Variants in INSL6 observed in about 807,000 individuals in gnomAD.
INSL6 encodes the protein insulin-like peptide INSL6.
A neutral mutation model predicts 9.4 loss-of-function variants in INSL6; 16 were observed. That is an observed-to-expected ratio of 1.70 (90% CI 1.15 to 2.59). The LOEUF (loss-of-function observed/expected upper bound fraction) is 2.59, where lower values mean the gene tolerates loss of function less well. INSL6 is among the 30% of genes most tolerant of loss of function. The probability of loss-of-function intolerance (pLI) is 0.00; values close to 1 mark genes in which losing one functional copy is unlikely to be tolerated. For synonymous variants in INSL6, 154 were observed against 96.9 expected, an observed-to-expected ratio of 1.59 and a Z score of -3.46; for missense variants, 391 against 257.3, an observed-to-expected ratio of 1.52 and a Z score of -3.56.
At chr9:5,112,551 C>G in the INSL6 span, 1 of 609,548 alleles carries the variant, frequency 1.6e-6, no homozygotes, top group Non-Finnish European at 2.9e-6. Flanking sequence ...AGCAGGTGGC[C>G]AATAACGCCA....
At chr9:5,105,370 C>T in the INSL6 span, among the ~76,000 whole-genome samples, 1 of 152,082 alleles carries the variant, frequency 6.6e-6, no homozygotes, top group African/African-American at 2.4e-5. Flanking sequence ...GACCTCTGGA[C>T]CTCTTCAAGG....
chr9:5,177,870 T>C (rs1007009028), intron 1 of INSL6, among the ~76,000 whole-genome samples: 3 of 152,060 alleles, frequency 2.0e-5, no homozygotes, highest in African/African-American at 7.2e-5. Flanking sequence ...GACTGCTTCT[T>C]TCTTTTTCTT....
chr9:5,170,367 CTT>C (rs1825152495), intron 1 of INSL6, among the ~76,000 whole-genome samples: 2 of 152,104 alleles, frequency 1.3e-5, no homozygotes, highest in Non-Finnish European at 2.9e-5. Flanking sequence ...TAACAGGAAA[CTT>C]TATAGCGCTA....
chr9:5,162,232 T>C (rs188170655), downstream of INSL6, among the ~76,000 whole-genome samples: 7 of 152,314 alleles, frequency 4.6e-5, no homozygotes, highest in Non-Finnish European at 1.0e-4. Context: ...AGATTTTTTT[T>C]TTCAATTTGG....
chr9:5,074,540 C>G, the INSL6 span, among the ~76,000 whole-genome samples: 3 of 152,170 alleles, frequency 2.0e-5, no homozygotes, highest in Admixed American at 1.3e-4. Flanking sequence ...GTGTCCCAAA[C>G]AGAGAGAATA....
intron 3 of INSL6, among the ~76,000 whole-genome samples, chr9:5,128,807 G>A (rs1217229939): frequency 6.6e-6 from 1 of 151,844 alleles, no homozygotes; most frequent in East Asian, 1.9e-4. Flanking sequence ...AGTTGGTTCT[G>A]TACAAGAAAC....
the INSL6 span, chr9:5,082,007 G>T: frequency 1.5e-6 from 1 of 682,214 alleles, no homozygotes; most frequent in Non-Finnish European, 2.4e-6. Flanking sequence ...GAGAAATGCT[G>T]TGTTAAATAA....
rs149054225 is a variant in INSL6 at position 5,180,887 on chromosome 9, T to G, written c.289+4427A>C. Among the ~76,000 whole-genome samples, 979 of 152,308 alleles carry G rather than the reference T, an allele frequency of 6.4e-3. 7 individuals are homozygous for G. Among genetic ancestry groups the G allele is most frequent in the African/African-American group, 0.022 (907 of 41,566 alleles). On this transcript the variant is annotated intron_variant, in intron 1 of 1. Coordinates refer to ENST00000381641, the MANE Select transcript of INSL6 (RefSeq NM_007179.3). ...GACCCTTATTAGTAGTTCTGCTCTT[T>G]GCACTTTGAAGCATGTGATCTACTC...
the INSL6 span, chr9:5,084,894 A>G: frequency 4.5e-6 from 2 of 440,288 alleles, no homozygotes; most frequent in Non-Finnish European, 8.7e-6. Flanking sequence ...GATATCTTTT[A>G]AAATGATTTT....
At chr9:5,155,273 A>C (rs1271629772) in intron 2 of INSL6, among the ~76,000 whole-genome samples, 2 of 147,980 alleles carry the variant, frequency 1.4e-5, no homozygotes, top group African/African-American at 5.0e-5. Context: ...GGAATTGAAC[A>C]ATGAGAACAC....
At chr9:5,136,886 C>A (rs1824395683) in intron 2 of INSL6, among the ~76,000 whole-genome samples, 1 of 152,126 alleles carries the variant, frequency 6.6e-6, no homozygotes. Flanking sequence ...CGTCTCAGCC[C>A]AAAATCTCCT....
chr9:5,153,108 C>G (rs9695934), intron 2 of INSL6, among the ~76,000 whole-genome samples: 61,530 of 151,488 alleles, frequency 0.41, 14,914 homozygotes, highest in African/African-American at 0.69. Flanking sequence ...ACAAAACTGG[C>G]CAGCTGTTTG....
At chr9:5,071,164 T>C in the INSL6 span, among the ~76,000 whole-genome samples, 1 of 152,290 alleles carries the variant, frequency 6.6e-6, no homozygotes, top group East Asian at 1.9e-4. Flanking sequence ...ACTCTCCTAA[T>C]ATTGTGTGGT....
the INSL6 span, among the ~76,000 whole-genome samples, chr9:5,107,007 G>T: frequency 1.3e-5 from 2 of 152,112 alleles, no homozygotes; most frequent in Non-Finnish European, 2.9e-5. Context: ...TTGTGCACAT[G>T]TACCCTAGAA....
At chr9:5,008,319 A>G in the INSL6 span, among the ~76,000 whole-genome samples, 2 of 152,208 alleles carry the variant, frequency 1.3e-5, no homozygotes, top group Non-Finnish European at 2.9e-5. Flanking sequence ...TCTACTTTCT[A>G]AAATATTCCA....
chr9:5,057,446 G>T, the INSL6 span, among the ~76,000 whole-genome samples: 1 of 151,902 alleles, frequency 6.6e-6, no homozygotes, highest in East Asian at 1.9e-4. Context: ...GTACAGTTTA[G>T]TAGTGTTAAG....
At chr9:5,126,279 G>C in intron 3 of INSL6, 3 of 1,295,168 alleles carry the variant, frequency 2.3e-6, no homozygotes, top group Non-Finnish European at 2.2e-6. Context: ...AATTGAGAAA[G>C]AATTTTGCTA....
chr9:5,146,385 G>A (rs1824602910), intron 2 of INSL6, among the ~76,000 whole-genome samples: 1 of 152,182 alleles, frequency 6.6e-6, no homozygotes, highest in South Asian at 2.1e-4. Context: ...CTCCCTGCAG[G>A]CATTCACCAC....
At chr9:5,114,750 G>A in the INSL6 span, 2 of 339,638 alleles carry the variant, frequency 5.9e-6, no homozygotes, top group Non-Finnish European at 1.2e-5. Context: ...TGTGGTCCAT[G>A]AGACAGCGAC....
Sources: gnomAD v4.1 joint callset for allele counts (sites outside exome capture counted in the v4.1 genomes callset) on GRCh38, gnomAD v4.1.1 for gene constraint, MANE v1.5 for transcripts, NCBI Gene and HGNC (gene_info 2026-07-23, HGNC 2026-07-21) for gene names.